The following SNAP91 variants were observed in gnomAD, a reference collection of about 807,000 sequenced individuals.
The protein encoded by SNAP91 is clathrin coat assembly protein AP180.
SNAP91 carries 27 observed loss-of-function variants against 100.3 expected under a neutral mutation model. That is an observed-to-expected ratio of 0.27 (90% confidence interval 0.20 to 0.37). The LOEUF (loss-of-function observed/expected upper bound fraction) is 0.37, where lower values mean the gene tolerates loss of function less well. Ranked by LOEUF, SNAP91 falls within the 10% of genes least tolerant of loss-of-function variation. The pLI, the probability that SNAP91 is intolerant of heterozygous loss-of-function variation, is 1.00. For missense variants in SNAP91, 986 were observed against 1,123.7 expected, an observed-to-expected ratio of 0.88 and a Z score of 1.75; for synonymous variants, 404 against 398.6, an observed-to-expected ratio of 1.01 and a Z score of -0.16.
chr6:83,613,046 G>T (rs1395013014), intron 11 of SNAP91, among the ~76,000 whole-genome samples: 3 of 152,044 alleles, frequency 2.0e-5, no homozygotes, highest in African/African-American at 7.2e-5. Flanking sequence ...CTATAAAAAA[G>T]AGTATCATAC....
At chr6:83,678,708 T>A in intron 2 of SNAP91, 1 of 1,256,068 alleles carries the variant, frequency 8.0e-7, no homozygotes, top group Non-Finnish European at 1.0e-6. Flanking sequence ...CTCCTGCTCC[T>A]CCCCTATTGA....
chr6:83,594,032 A>G (rs2094163888), intron 17 of SNAP91, among the ~76,000 whole-genome samples: 1 of 152,168 alleles, frequency 6.6e-6, no homozygotes, highest in Non-Finnish European at 1.5e-5. Flanking sequence ...TCAAATCTTC[A>G]CTTTATTTGG....
chr6:83,699,943 G>A (rs1330049385), intron 2 of SNAP91, among the ~76,000 whole-genome samples: 3 of 152,098 alleles, frequency 2.0e-5, no homozygotes, highest in Non-Finnish European at 4.4e-5. Flanking sequence ...TTCAAGAAAA[G>A]GATATAGTTC....
intron 6 of SNAP91, 105 bp downstream of exon 6, chr6:83,658,894 A>C (rs1428393178): frequency 1.3e-6 from 1 of 798,308 alleles, no homozygotes; most frequent in African/African-American, 1.7e-5. Context: ...CTAAATGAAG[A>C]TCTATAGCTG....
chr6:83,568,261 C>A (rs1176403833), intron 26 of SNAP91, among the ~76,000 whole-genome samples: 1 of 151,896 alleles, frequency 6.6e-6, no homozygotes. Flanking sequence ...AACCAAACAC[C>A]GCATGTTCTC....
intron 8 of SNAP91, among the ~76,000 whole-genome samples, chr6:83,635,664 TA>T (rs2097409735): frequency 1.8e-5 from 1 of 55,290 alleles, no homozygotes; most frequent in African/African-American, 1.1e-4. Context: ...CAGGTGTTTG[TA>T]CCATTTACAT....
At chr6:83,555,741 AC>A (rs1253528359) in intron 29 of SNAP91, among the ~76,000 whole-genome samples, 100 of 152,350 alleles carry the variant, frequency 6.6e-4, no homozygotes, top group African/African-American at 2.4e-3. Context: ...AGAAGGATAA[AC>A]AAAATAAAAA....
chr6:83,620,513 A>G (rs1038832762), intron 9 of SNAP91, among the ~76,000 whole-genome samples: 1 of 152,218 alleles, frequency 6.6e-6, no homozygotes, highest in African/African-American at 2.4e-5. Flanking sequence ...AGACCTGATC[A>G]TAACTGTCAG....
At chr6:83,616,386 T>C (rs868135935) in intron 10 of SNAP91, among the ~76,000 whole-genome samples, 3 of 151,998 alleles carry the variant, frequency 2.0e-5, no homozygotes, top group Middle Eastern at 3.4e-3. Flanking sequence ...TGAGGAAAAA[T>C]AGTCAAAAAT....
chr6:83,635,210 A>G (rs1314786764), intron 8 of SNAP91, among the ~76,000 whole-genome samples: 4 of 152,074 alleles, frequency 2.6e-5, no homozygotes, highest in South Asian at 4.1e-4. Context: ...TTCTGCCTCA[A>G]TGATCTGTCT....
intron 22 of SNAP91, among the ~76,000 whole-genome samples, chr6:83,583,742 T>C (rs1268385654): frequency 6.6e-6 from 1 of 152,156 alleles, no homozygotes; most frequent in African/African-American, 2.4e-5. Context: ...TCAAAAAACA[T>C]CCTTAAGTTT....
At chr6:83,587,828 T>C (rs1310288002) in intron 22 of SNAP91, among the ~76,000 whole-genome samples, 1 of 152,216 alleles carries the variant, frequency 6.6e-6, no homozygotes, top group Non-Finnish European at 1.5e-5. Context: ...ATTATATTAA[T>C]ATTCCATGAT....
chr6:83,642,760 G>A (rs1049717057), intron 7 of SNAP91, among the ~76,000 whole-genome samples: 28 of 152,238 alleles, frequency 1.8e-4, no homozygotes, highest in Admixed American at 1.4e-3. Flanking sequence ...CTGAGGAATT[G>A]CCACACTGTC....
chr6:83,588,014 G>A (rs889203617), intron 22 of SNAP91, among the ~76,000 whole-genome samples: 1 of 152,100 alleles, frequency 6.6e-6, no homozygotes, highest in Non-Finnish European at 1.5e-5. Flanking sequence ...TTTCAGTAGA[G>A]ATTAGGGTTT....
At chr6:83,694,457 C>T (rs1486740495) in intron 2 of SNAP91, among the ~76,000 whole-genome samples, 2 of 152,168 alleles carry the variant, frequency 1.3e-5, no homozygotes, top group African/African-American at 2.4e-5. Context: ...GCCACTAGCT[C>T]CTGGTATTCC....
intron 2 of SNAP91, among the ~76,000 whole-genome samples, chr6:83,701,019 TG>T (rs1254340113): frequency 6.6e-6 from 1 of 152,230 alleles, no homozygotes; most frequent in Non-Finnish European, 1.5e-5. Flanking sequence ...TAAGATTTCA[TG>T]CATGAATTAT....
intron 9 of SNAP91, among the ~76,000 whole-genome samples, chr6:83,618,393 C>G (rs927739317): frequency 4.0e-5 from 6 of 151,270 alleles, no homozygotes; most frequent in African/African-American, 1.2e-4. Flanking sequence ...AAAAGATTAT[C>G]GGCATCTAAT....
At chr6:83,617,080 T>A (rs2128358536) in intron 9 of SNAP91, 41 bp from the exon 10 acceptor site, 5 of 1,344,462 alleles carry the variant, frequency 3.7e-6, no homozygotes, top group Non-Finnish European at 5.1e-6. Flanking sequence ...CATTGTTTAC[T>A]TTCAATGTAA....
At chr6:83,690,385 T>C (rs1227659963) in intron 2 of SNAP91, 1 of 1,288,518 alleles carries the variant, frequency 7.8e-7, no homozygotes, top group African/African-American at 1.5e-5. Context: ...TGCTGGAACA[T>C]ACTTTCAGAT....
Sources: allele counts gnomAD v4.1 joint callset (sites outside exome capture counted in the v4.1 genomes callset), GRCh38; gene constraint gnomAD v4.1.1; transcripts MANE v1.5; gene names NCBI Gene and HGNC (gene_info 2026-07-23, HGNC 2026-07-21).